CTNNA3: variants seen among roughly 807,000 people sequenced by gnomAD.
CTNNA3 encodes the protein catenin alpha-3.
Under a neutral mutation model 95.7 loss-of-function variants are expected in CTNNA3, and 76 were observed. That is an observed-to-expected ratio of 0.79 (90% confidence interval 0.66 to 0.96). The LOEUF is 0.96. CTNNA3 is among the 40% of genes least tolerant of loss of function. The probability of loss-of-function intolerance (pLI) is 0.00; values close to 1 mark genes in which losing one functional copy is unlikely to be tolerated. For synonymous variants in CTNNA3, 431 were observed against 374.4 expected, an observed-to-expected ratio of 1.15 and a Z score of -1.74; for missense variants, 1,191 against 1,089.8, an observed-to-expected ratio of 1.09 and a Z score of -1.31.
intron 9 of CTNNA3, among the ~76,000 whole-genome samples, chr10:66,624,342 G>A (rs1048672168): frequency 1.3e-5 from 2 of 151,980 alleles, no homozygotes; most frequent in Non-Finnish European, 2.9e-5. Flanking sequence ...GAAGCCTGGT[G>A]GCCCTCACCA....
chr10:66,543,954 T>TATATATATA (rs1841957306), intron 10 of CTNNA3, among the ~76,000 whole-genome samples: 1 of 143,272 alleles, frequency 7.0e-6, no homozygotes, highest in Non-Finnish European at 1.5e-5. Context: ...TATATATATA[T>TATATATATA]TTGTTCTTCA....
In CTNNA3 at chr10:66,927,699, A is replaced by G; in HGVS notation, c.1048-152175T>C. On this transcript the variant is annotated intron_variant, in intron 7 of 17. Coordinates refer to ENST00000433211, the MANE Select transcript of CTNNA3 (RefSeq NM_013266.4). This position sits in a 1 kb window ranked among gnomAD's most constrained non-coding sequence, Gnocchi z 4.7. The stretch of plus-strand genomic sequence containing the variant: ...GCTCCTTACAAAGGCTTGATTTATC[A>G]GGCAATGAGATCGAAGCTTTCAGTG... 6.2e-7 allele frequency: 1 copy of G among 1,614,190 alleles called. No individual in the cohort carries two copies. Among genetic ancestry groups the G allele is most frequent in the Admixed American group, 1.7e-5 (1 of 60,026 alleles).
rs541573757 is a variant in CTNNA3 at position 66,571,905 on chromosome 10, T to A, written c.1374+49787A>T. ...TAATTTGTATAGAATCACTGACGCA[T>A]TTTTTAAAGAAATTAAACAATTAAT... On this transcript the variant is annotated intron_variant, in intron 10 of 17. Coordinates refer to ENST00000433211, the MANE Select transcript of CTNNA3 (RefSeq NM_013266.4). 4.6e-5 allele frequency among the ~76,000 whole-genome samples: 7 copies of A among 152,184 alleles called. 1 individual carries two copies. The South Asian group carries it at 1.4e-3, about 31-fold the overall frequency.
chr10:67,706,930 G>A (rs1841082026), intron 1 of CTNNA3, among the ~76,000 whole-genome samples: 1 of 152,102 alleles, frequency 6.6e-6, no homozygotes, highest in South Asian at 2.1e-4. Flanking sequence ...AGGAGCTCTT[G>A]ATTTTTGTCT....
chr10:67,711,742 C>G (rs1196277465), intron 1 of CTNNA3, among the ~76,000 whole-genome samples: 3 of 124,502 alleles, frequency 2.4e-5, no homozygotes, highest in Admixed American at 9.6e-5. Flanking sequence ...CCTCCCCCCA[C>G]CCCACAACTG....
intron 1 of CTNNA3, among the ~76,000 whole-genome samples, chr10:67,691,986 G>C (rs1311239153): frequency 1.3e-5 from 2 of 149,454 alleles, no homozygotes; most frequent in African/African-American, 2.5e-5. Context: ...TCCGGGAAGT[G>C]AGGGGCGCCT....
chr10:67,195,799 G>T (rs1863338273), intron 6 of CTNNA3, among the ~76,000 whole-genome samples: 1 of 151,932 alleles, frequency 6.6e-6, no homozygotes, highest in African/African-American at 2.4e-5. Context: ...TCAATATTTT[G>T]GTTGGAAAAA....
chr10:66,177,646 T>G (rs1412945930), intron 13 of CTNNA3, among the ~76,000 whole-genome samples: 2 of 152,052 alleles, frequency 1.3e-5, no homozygotes, highest in Non-Finnish European at 2.9e-5. Context: ...AGCAGTTATT[T>G]TATACTAAAC....
chr10:67,004,731 T>G (rs1589586435), intron 7 of CTNNA3, among the ~76,000 whole-genome samples: 1 of 152,340 alleles, frequency 6.6e-6, no homozygotes, highest in South Asian at 2.1e-4. Flanking sequence ...CCTTTTTAAC[T>G]TATATCATGT....
At chr10:66,342,252 G>C (rs929263294) in intron 12 of CTNNA3, among the ~76,000 whole-genome samples, 1 of 151,928 alleles carries the variant, frequency 6.6e-6, no homozygotes, top group Non-Finnish European at 1.5e-5. Flanking sequence ...TTTAAACGCT[G>C]GGATCATGTC....
At chr10:67,665,949 A>C (rs1840322387) in intron 1 of CTNNA3, among the ~76,000 whole-genome samples, 1 of 152,248 alleles carries the variant, frequency 6.6e-6, no homozygotes, top group African/African-American at 2.4e-5. Flanking sequence ...GAAAAAATAT[A>C]AAACAGGCAT....
At chr10:65,985,771 G>A (rs962467213) in intron 16 of CTNNA3, among the ~76,000 whole-genome samples, 3 of 151,418 alleles carry the variant, frequency 2.0e-5, no homozygotes, top group African/African-American at 7.3e-5. Flanking sequence ...GAATGGCCTA[G>A]CCAGAACCAT....
chr10:67,371,726 T>C (rs1843473559), intron 5 of CTNNA3, among the ~76,000 whole-genome samples: 2 of 152,328 alleles, frequency 1.3e-5, no homozygotes, highest in South Asian at 2.1e-4. Flanking sequence ...TGATTTATAA[T>C]CCTTTGGGTA....
chr10:67,711,265 C>T (rs779724324), intron 1 of CTNNA3, among the ~76,000 whole-genome samples: 87 of 152,036 alleles, frequency 5.7e-4, no homozygotes, highest in Admixed American at 4.9e-3. Context: ...CCCAAAAATG[C>T]GGAAGCGACT....
intron 13 of CTNNA3, among the ~76,000 whole-genome samples, chr10:66,268,199 A>G (rs10997019): frequency 0.11 from 17,378 of 152,014 alleles, 1,264 homozygotes; most frequent in East Asian, 0.28. Context: ...TCCTCATCTC[A>G]CATGCTCCTT....
rs140330965 is a variant in CTNNA3, at chr10:67,196,413, C to A, written c.844-15893G>T. On this transcript the variant is annotated intron_variant, in intron 6 of 17. Coordinates refer to ENST00000433211, the MANE Select transcript of CTNNA3 (RefSeq NM_013266.4). ...TTGCATTTTGTTGTGTATCAATTAGCACAACAGAAAAAAAGAAAATATTTT... is the reference window on the plus strand; with the variant it reads ...TTGCATTTTGTTGTGTATCAATTAGAACAACAGAAAAAAAGAAAATATTTT... Among the ~76,000 whole-genome samples the A allele has an allele frequency of 1.6e-3, 239 of 151,832 alleles. 3 individuals are homozygous for A. Among genetic ancestry groups the A allele is most frequent in the African/African-American group, 5.5e-3 (230 of 41,450 alleles).
At chr10:66,361,530 CTCTTTCTT>C (rs553947768) in intron 12 of CTNNA3, among the ~76,000 whole-genome samples, 1 of 147,732 alleles carries the variant, frequency 6.8e-6, no homozygotes, top group Non-Finnish European at 1.5e-5. Context: ...GCATCTTTCT[CTCTTTCTT>C]TCTTTCTTTC....
At chr10:67,736,934 A>G (rs937505858) in intron 1 of CTNNA3, among the ~76,000 whole-genome samples, 1 of 152,066 alleles carries the variant, frequency 6.6e-6, no homozygotes, top group African/African-American at 2.4e-5. Context: ...AAATCCAAAA[A>G]AGAAGAAATC....
At chr10:66,582,955 T>C (rs1843238617) in intron 10 of CTNNA3, among the ~76,000 whole-genome samples, 1 of 151,916 alleles carries the variant, frequency 6.6e-6, no homozygotes, top group African/African-American at 2.4e-5. Flanking sequence ...CCCTTGAATT[T>C]GTTAAACCAT....
Sources: allele counts gnomAD v4.1 joint callset (sites outside exome capture counted in the v4.1 genomes callset), GRCh38; gene constraint gnomAD v4.1.1; non-coding constraint Gnocchi (gnomAD v3.1); transcripts MANE v1.5; gene names NCBI Gene and HGNC (gene_info 2026-07-23, HGNC 2026-07-21).